BCAT2: variants seen among roughly 807,000 people sequenced by gnomAD.
BCAT2 encodes the protein branched-chain-amino-acid aminotransferase, mitochondrial.
BCAT2 carries 44 observed loss-of-function variants against 52.9 expected under a neutral mutation model. The ratio of observed to expected loss-of-function variants is 0.83; its 90% CI spans 0.65 to 1.07. The LOEUF (loss-of-function observed/expected upper bound fraction) is 1.07, where lower values mean the gene tolerates loss of function less well. Among genes scored for constraint, BCAT2 ranks in the 50% least tolerant of loss-of-function variants. The pLI is 0.00. For missense variants in BCAT2, 478 were observed against 521.8 expected (o/e 0.92, Z 0.82); for synonymous variants, 215 against 217.1 (o/e 0.99, Z 0.08).
At position 48,796,404 on chromosome 19, in the gene BCAT2, A is replaced by ATT. The variant is rs759822965; in HGVS notation, c.1140+22_1140+23dup. ...TCTCCAGGGAACAAGCTCCCAGCCC[A>ATT]TTCCCCAGCTCCCTGCAGCTCACCT... On this transcript the variant is annotated intron_variant, in intron 10 of 10. Coordinates refer to ENST00000316273, the MANE Select transcript of BCAT2 (RefSeq NM_001190.4). 10 of 1,613,840 alleles carry ATT rather than the reference A, an allele frequency of 6.2e-6. No individual in the cohort carries two copies. In the East Asian group the frequency reaches 2.0e-4, roughly 32 times the overall value.
At chr19:48,808,975 A>G (rs1326863586) in intron 1 of BCAT2, among the ~76,000 whole-genome samples, 1 of 141,850 alleles carries the variant, frequency 7.0e-6, no homozygotes, top group Non-Finnish European at 1.5e-5. Flanking sequence ...TCAGAAGGCT[A>G]AGGTGGGAGG....
rs1443062856 is a variant in BCAT2 at position 48,807,103 on chromosome 19, G to A, written c.25-29C>T. The stretch of plus-strand genomic sequence containing the variant: ...GGTGGAGAAAGAAGTGAGAGAGGGG[G>A]TGAGTGGGGCACAGCAGGGGCCCTG... On this transcript the variant is annotated intron_variant, in intron 1 of 10. Coordinates refer to ENST00000316273, the MANE Select transcript of BCAT2 (RefSeq NM_001190.4). The surrounding 1 kb of genome is among the most constrained non-coding windows in gnomAD (Gnocchi z 4.6). 2 of 1,594,308 alleles carry A rather than the reference G, an allele frequency of 1.3e-6. No individual in the cohort carries two copies. The highest frequency in any genetic ancestry group is 1.7e-6 in the Non-Finnish European group (2 of 1,165,094).
At chr19:48,810,678 A>C in intron 1 of BCAT2, 1 of 914,870 alleles carries the variant, frequency 1.1e-6, no homozygotes, top group Non-Finnish European at 1.5e-6. Flanking sequence ...CCGCTCCCCA[A>C]ATCACAACCT....
chr19:48,795,622 G>A (rs942188430), intron 10 of BCAT2, among the ~76,000 whole-genome samples, 158 bp from the exon 11 acceptor site: 20 of 152,140 alleles, frequency 1.3e-4, no homozygotes, highest in African/African-American at 4.8e-4. Flanking sequence ...ATGGGAACGG[G>A]GAATCAAGGC....
At position 48,807,284 on chromosome 19, in the gene BCAT2, C is replaced by A. The variant is rs189740270; in HGVS notation, c.25-210G>T. Reference sequence around the variant, plus strand: ...TCGCTGGAAAGAGCTGAGTCAGCTCCCGCCCCCTCCTCCATGCTGCGGCAA... The same window carrying A: ...TCGCTGGAAAGAGCTGAGTCAGCTCACGCCCCCTCCTCCATGCTGCGGCAA... On this transcript the variant is annotated intron_variant, in intron 1 of 10. Transcript: ENST00000316273. The surrounding 1 kb of genome is among the most constrained non-coding windows in gnomAD (Gnocchi z 4.6). The A allele has an allele frequency of 1.2e-5, 6 of 513,204 alleles. No homozygotes were observed. Among genetic ancestry groups the A allele is most frequent in the Admixed American group, 7.3e-5 (2 of 27,370 alleles). 31.8% of individuals were successfully genotyped at this position (513,204 alleles called of 1,614,324 possible). A position where few individuals can be genotyped will look rare whatever the true frequency, so the allele number is the denominator to read the frequency against.
intron 1 of BCAT2, chr19:48,808,029 C>G: frequency 3.0e-6 from 3 of 987,046 alleles, no homozygotes; most frequent in Non-Finnish European, 3.6e-6. Context: ...GCCTGGCCTG[C>G]CCTGTGAGCT....
Position 48,807,212 on chromosome 19 carries a change from A to T in BCAT2, c.25-138T>A. 5.5e-6 allele frequency: 4 copies of T among 724,796 alleles called. No homozygotes were observed. The highest frequency in any genetic ancestry group is 2.9e-5 in the East Asian group (1 of 34,432). The allele number at this position is 724,796 out of a possible 1,614,324, so 44.9% of individuals were successfully genotyped here. On this transcript the variant is annotated intron_variant, in intron 1 of 10. Coordinates refer to ENST00000316273, the MANE Select transcript of BCAT2 (RefSeq NM_001190.4). The surrounding 1 kb of genome is among the most constrained non-coding windows in gnomAD (Gnocchi z 4.6). ...AGTTTCAGTCCATTCTAGACGGGGC[A>T]GGTGGTCCTGAAGGAGGCCAAGTCC...
rs545085535 is a variant in BCAT2 at position 48,795,375 on chromosome 19, T to C, written c.*51A>G. On this transcript the variant is annotated 3_prime_UTR_variant, in exon 11 of 11. Transcript: ENST00000316273. ...GAGTCATTGGTAGGGAGGCGAGTGC[T>C]GGCGTGACGAGATGCTACGGGTCGG... 1 of 1,612,540 alleles carries C rather than the reference T, an allele frequency of 6.2e-7. No individual in the cohort carries two copies. Among genetic ancestry groups the C allele is most frequent in the African/African-American group, 1.3e-5 (1 of 75,024 alleles).
Position 48,800,264 on chromosome 19 carries a change from C to T in BCAT2, c.334G>A (p.Asp112Asn), listed in dbSNP as rs144152530. The T allele has an allele frequency of 1.1e-4, 176 of 1,613,842 alleles. No individual in the cohort carries two copies. In the Middle Eastern group the frequency reaches 1.6e-3, roughly 15 times the overall value. ...FEGMKAFKGK[D>N]QQVRLFRPWL... ...GGGCGGAAGAGGCGCACCTGCTGGT[C>T]TTTGCCTTTGAACGCCTTCATGCCC... Residue 112 changes from aspartate (D) to asparagine (N), a missense_variant, in exon 4 of 11, where the codon GAC becomes AAC. By Grantham distance (23) the Asp-to-Asn change is conservative. Transcript: ENST00000316273.
chr19:48,803,118 C>T (rs1230318096), intron 3 of BCAT2, among the ~76,000 whole-genome samples: 1 of 151,690 alleles, frequency 6.6e-6, no homozygotes, highest in Non-Finnish European at 1.5e-5. Flanking sequence ...TCACTTGAGC[C>T]TAGGAGGCGG....
In BCAT2 at chr19:48,800,290, T is replaced by G. The variant is rs2034630995; in HGVS notation, c.308A>C (p.Glu103Ala). ...SSLHYSLQLF[E>A]GMKAFKGKDQ... Reference sequence around the variant, plus strand: ...TTTGCCTTTGAACGCCTTCATGCCCTCAAACAGCTGCGGGGACACGCGGGT... The same window carrying G: ...TTTGCCTTTGAACGCCTTCATGCCCGCAAACAGCTGCGGGGACACGCGGGT... Residue 103 changes from glutamate (E) to alanine (A), a missense_variant, in exon 4 of 11, where the codon GAG becomes GCG. Physicochemically the swap from Glu to Ala is moderately radical, Grantham distance 107. Transcript: ENST00000316273. 6 of 1,613,488 alleles carry G rather than the reference T, an allele frequency of 3.7e-6. No homozygotes were observed. In the African/African-American group the frequency reaches 8.0e-5, roughly 22 times the overall value.
intron 3 of BCAT2, among the ~76,000 whole-genome samples, chr19:48,804,664 CT>C (rs1406939875): frequency 6.6e-6 from 1 of 152,182 alleles, no homozygotes; most frequent in African/African-American, 2.4e-5. Context: ...CATCCTCCCC[CT>C]TCCGCCCCCT....
Position 48,799,490 on chromosome 19 carries a change from C to A in BCAT2, c.695+185G>T. On this transcript the variant is annotated intron_variant, in intron 6 of 10. Coordinates refer to ENST00000316273, the MANE Select transcript of BCAT2 (RefSeq NM_001190.4). This position sits in a 1 kb window ranked among gnomAD's most constrained non-coding sequence, Gnocchi z 5.5. ...TTTTTGTCCATCTGAAAAATAATCC[C>A]CTCCTCCTTCCTTCCATGGTTTGTT... 1 of 740,898 alleles carries A rather than the reference C, an allele frequency of 1.3e-6. No homozygotes were observed. The highest frequency in any genetic ancestry group is 2.7e-5 in the South Asian group (1 of 37,446). 45.9% of individuals were successfully genotyped at this position (740,898 alleles called of 1,614,324 possible).
Position 48,807,174 on chromosome 19 carries a change from C to A in BCAT2, c.25-100G>T, listed in dbSNP as rs2034807348. 1 of 978,052 alleles carries A rather than the reference C, an allele frequency of 1.0e-6. No homozygotes were observed. 60.6% of individuals were successfully genotyped at this position (978,052 alleles called of 1,614,324 possible). ...TGCACTTGGAGGTCCCACTGGCCTG[C>A]CTGTTCTGTCCCAGTTTCAGTCCAT... On this transcript the variant is annotated intron_variant, in intron 1 of 10. Transcript: ENST00000316273. The surrounding 1 kb of genome is among the most constrained non-coding windows in gnomAD (Gnocchi z 4.6).
chr19:48,809,369 T>C lies in BCAT2; in HGVS notation c.24+1615A>G, dbSNP rs148688463. 7.6e-3 allele frequency among the ~76,000 whole-genome samples: 1,149 copies of C among 152,076 alleles called. 13 individuals carry two copies. Among genetic ancestry groups the C allele is most frequent in the African/African-American group, 0.025 (1,048 of 41,446 alleles). On this transcript the variant is annotated intron_variant, in intron 1 of 10. Transcript: ENST00000316273. ...TTATGTCCCATACAGCCCAGGAGTA[T>C]CACCATCAAAGACCAGGAGTGTCAC...
At position 48,795,153 on chromosome 19, in the gene BCAT2, G is replaced by A. The variant is rs2034468273; in HGVS notation, c.*273C>T. ...ACCAGGGGTCTGGCCTGAGAACGGA[G>A]AGATCCGGAATCGGGGCCAAGGTGT... On this transcript the variant is annotated 3_prime_UTR_variant, in exon 11 of 11. Transcript: ENST00000316273. The A allele has an allele frequency of 5.5e-6, 3 of 544,854 alleles. No homozygotes were observed. The East Asian group carries it at 9.1e-5, about 17-fold the overall frequency. 33.8% of individuals were successfully genotyped at this position (544,854 alleles called of 1,614,324 possible).
At position 48,799,361 on chromosome 19, in the gene BCAT2, C is replaced by T. The variant is rs943872997; in HGVS notation, c.695+314G>A. 3.5e-6 allele frequency: 1 copy of T among 284,302 alleles called. No individual in the cohort carries two copies. Among genetic ancestry groups the T allele is most frequent in the Admixed American group, 5.3e-5 (1 of 18,808 alleles). The allele number at this position is 284,302 out of a possible 1,614,324, so 17.6% of individuals were successfully genotyped here. On this transcript the variant is annotated intron_variant, in intron 6 of 10. Coordinates refer to ENST00000316273, the MANE Select transcript of BCAT2 (RefSeq NM_001190.4). This position sits in a 1 kb window ranked among gnomAD's most constrained non-coding sequence, Gnocchi z 5.5. The stretch of plus-strand genomic sequence containing the variant: ...GGGGGATCAGGGGAGGCTTCTGGGG[C>T]GAGAAGCCAATGAGCTGAGTGTAAG...
At chr19:48,810,841 C>T in intron 1 of BCAT2, 143 bp downstream of exon 1, 1 of 1,506,668 alleles carries the variant, frequency 6.6e-7, no homozygotes, top group Non-Finnish European at 8.8e-7. Context: ...TTCCAAAGGG[C>T]GCCATCCTCC....
chr19:48,796,566 GC>G lies in BCAT2; in HGVS notation c.1065+11del. 5 of 1,611,148 alleles carry G rather than the reference GC, an allele frequency of 3.1e-6. No individual in the cohort carries two copies. Among genetic ancestry groups the G allele is most frequent in the Non-Finnish European group, 4.2e-6 (5 of 1,179,048 alleles). ...TCCTTCCCTCCCACCCACAATGGCAGCCCCGCCTCACCCTGTCTTTGTACAG... is the reference window on the plus strand; with the variant it reads ...TCCTTCCCTCCCACCCACAATGGCAGCCCGCCTCACCCTGTCTTTGTACAG... On this transcript the variant is annotated intron_variant, in intron 9 of 10. Transcript: ENST00000316273.
Sources: allele counts gnomAD v4.1 joint callset (sites outside exome capture counted in the v4.1 genomes callset), GRCh38; gene constraint gnomAD v4.1.1; non-coding constraint Gnocchi (gnomAD v3.1); transcripts MANE v1.5; gene names NCBI Gene and HGNC (gene_info 2026-07-23, HGNC 2026-07-21).